Variants in PKHD1 observed in about 807,000 individuals in gnomAD.
PKHD1 encodes PKHD1 ciliary IPT domain containing fibrocystin/polyductin.
In PKHD1, 291 loss-of-function variants were observed where a neutral mutation model predicts 412.0. The observed-to-expected ratio is 0.71, with a 90% CI of 0.64 to 0.78. The LOEUF (loss-of-function observed/expected upper bound fraction) is 0.78. Ranked by LOEUF, PKHD1 falls within the 30% of genes least tolerant of loss-of-function variation. PKHD1 has a pLI of 0.00. For missense variants in PKHD1, 4,825 were observed against 4,950.7 expected (o/e 0.97, Z 0.76); for synonymous variants, 1,777 against 1,821.5 (o/e 0.98, Z 0.62).
At chr6:51,771,199 TAC>T (rs113140015) in intron 55 of PKHD1, among the ~76,000 whole-genome samples, 79,879 of 150,064 alleles carry the variant, frequency 0.53, 21,670 homozygotes, top group East Asian at 0.75. Flanking sequence ...ACAGGTAGGA[TAC>T]ACACACACAC....
At chr6:51,637,981 G>A (rs1768803736) in intron 64 of PKHD1, among the ~76,000 whole-genome samples, 1 of 152,068 alleles carries the variant, frequency 6.6e-6, no homozygotes, top group Non-Finnish European at 1.5e-5. Context: ...GTGTCATACT[G>A]GAACATTTTC....
chr6:51,801,132 T>C (rs755324018), intron 52 of PKHD1, among the ~76,000 whole-genome samples: 1 of 152,220 alleles, frequency 6.6e-6, no homozygotes, highest in Non-Finnish European at 1.5e-5. Context: ...TGATTGGTGA[T>C]ATTTTCTTTC....
At chr6:51,753,858 C>T (rs984626251) in intron 56 of PKHD1, among the ~76,000 whole-genome samples, 1 of 152,242 alleles carries the variant, frequency 6.6e-6, no homozygotes, top group Non-Finnish European at 1.5e-5. Flanking sequence ...ATCTTCCACT[C>T]ATCACGGCCT....
rs1195587828 is a variant in PKHD1, at chr6:51,779,338, A to G, written c.8441-3417T>C. On this transcript the variant is annotated intron_variant, in intron 53 of 66. Coordinates refer to ENST00000371117, the MANE Select transcript of PKHD1 (RefSeq NM_138694.4). ...TGTTTTTGTCACGGCCAACTCTTAC[A>G]TACTTTCAAACCCAGTTCAGATGCC... 5.3e-5 allele frequency among the ~76,000 whole-genome samples: 8 copies of G among 152,124 alleles called. No individual in the cohort carries two copies. The East Asian group carries it at 9.7e-4, about 18-fold the overall frequency.
chr6:51,650,977 C>A (rs1035923434), intron 61 of PKHD1, among the ~76,000 whole-genome samples: 1 of 152,120 alleles, frequency 6.6e-6, no homozygotes, highest in African/African-American at 2.4e-5. Flanking sequence ...GATCCTATTT[C>A]TCCCCTAACC....
chr6:51,711,223 G>C (rs17740706), intron 60 of PKHD1, among the ~76,000 whole-genome samples: 1,841 of 152,282 alleles, frequency 0.012, 21 homozygotes, highest in South Asian at 0.048. Flanking sequence ...AGGATCCTGA[G>C]AAAGCCTCAC....
chr6:51,654,268 C>A (rs1771449600), intron 61 of PKHD1, among the ~76,000 whole-genome samples: 1 of 152,040 alleles, frequency 6.6e-6, no homozygotes, highest in African/African-American at 2.4e-5. Flanking sequence ...AATGGCTAAG[C>A]AGCTTCATAG....
At chr6:52,068,583 G>A (rs1810106481) in intron 11 of PKHD1, among the ~76,000 whole-genome samples, 1 of 152,210 alleles carries the variant, frequency 6.6e-6, no homozygotes, top group African/African-American at 2.4e-5. Context: ...TTCCTTATCT[G>A]TAAAATGGGG....
At chr6:51,915,503 T>A (rs546612273) in intron 37 of PKHD1, among the ~76,000 whole-genome samples, 4 of 152,126 alleles carry the variant, frequency 2.6e-5, no homozygotes, top group African/African-American at 9.6e-5. Context: ...CATGTAAGTG[T>A]TCCATAAATA....
intron 60 of PKHD1, chr6:51,682,176 A>G (rs960344741): frequency 3.1e-5 from 14 of 455,020 alleles, no homozygotes; most frequent in Non-Finnish European, 4.9e-5. Flanking sequence ...CCGAACATAT[A>G]TACTATCTCC....
At chr6:51,836,343 T>A in intron 51 of PKHD1, 61 bp downstream of exon 51, 1 of 1,094,910 alleles carries the variant, frequency 9.1e-7, no homozygotes, top group Non-Finnish European at 1.4e-6. Flanking sequence ...GTGGAATTTG[T>A]AGAACTACTG....
At chr6:51,805,072 T>C (rs1286135679) in intron 52 of PKHD1, among the ~76,000 whole-genome samples, 1 of 152,188 alleles carries the variant, frequency 6.6e-6, no homozygotes, top group Non-Finnish European at 1.5e-5. Flanking sequence ...AAAAGACACA[T>C]GCACTTGTAG....
At chr6:51,654,394 C>G (rs1205439044) in intron 61 of PKHD1, among the ~76,000 whole-genome samples, 1 of 151,988 alleles carries the variant, frequency 6.6e-6, no homozygotes, top group African/African-American at 2.4e-5. Flanking sequence ...TCTCTAGATT[C>G]TTATAGGGAC....
intron 46 of PKHD1, among the ~76,000 whole-genome samples, chr6:51,872,768 T>G (rs1218849021): frequency 2.6e-5 from 4 of 151,904 alleles, no homozygotes; most frequent in Non-Finnish European, 5.9e-5. Flanking sequence ...AATATTGCCT[T>G]CAAAATTTCA....
chr6:51,746,856 T>C lies in PKHD1; in HGVS notation c.9863A>G (p.Tyr3288Cys), dbSNP rs374123288. The change falls in exon 59 of 67, where the codon TAT (tyrosine) becomes TGT (cysteine). Residue 3288 changes from tyrosine to cysteine, a missense_variant. Physicochemically the swap from Tyr to Cys is radical, Grantham distance 194. Coordinates refer to ENST00000371117, the MANE Select transcript of PKHD1 (RefSeq NM_138694.4). ...VTFSSFVKSC[Y>C]SDDLDVCILP... ...AATGCAGACATCCAGGTCATCGCTA[T>C]AGCAACTCTTCACAAAACTAGAAAA... is the stretch of plus-strand genomic sequence containing the variant. 3 of 1,609,186 alleles carry C rather than the reference T, an allele frequency of 1.9e-6. No homozygotes were observed. Among genetic ancestry groups the C allele is most frequent in the Admixed American group, 3.3e-5 (2 of 59,846 alleles).
intron 55 of PKHD1, among the ~76,000 whole-genome samples, chr6:51,770,193 G>C (rs1789836498): frequency 6.6e-6 from 1 of 151,586 alleles, no homozygotes; most frequent in Admixed American, 6.6e-5. Context: ...TTTTGTTTCT[G>C]TCAATTTCAC....
At position 52,024,760 on chromosome 6, in the gene PKHD1, C is replaced by G; in HGVS notation, c.5050G>C (p.Asp1684His). ...VAQISGAANI[D>H]IFIGMSPCVG... Reference sequence around the variant, plus strand: ...CAGGGTGACATTCCTATAAAAATGTCAATGTTTGCAGCTCCTGAGATCTGG... The same window carrying G: ...CAGGGTGACATTCCTATAAAAATGTGAATGTTTGCAGCTCCTGAGATCTGG... The change falls in exon 32 of 67, where the codon GAC becomes CAC. Residue 1684 changes from aspartate (D) to histidine (H), a missense_variant. Transcript: ENST00000371117. 9.9e-6 allele frequency: 16 copies of G among 1,614,144 alleles called. No homozygotes were observed. Among genetic ancestry groups the G allele is most frequent in the Non-Finnish European group, 1.4e-5 (16 of 1,180,016 alleles).
At chr6:51,832,360 T>G (rs1582932408) in intron 51 of PKHD1, among the ~76,000 whole-genome samples, 1 of 151,966 alleles carries the variant, frequency 6.6e-6, no homozygotes. Context: ...GACAGAAGGA[T>G]GAGCATGAGC....
chr6:51,902,355 C>T (rs1367255623), intron 43 of PKHD1, among the ~76,000 whole-genome samples: 3 of 152,020 alleles, frequency 2.0e-5, no homozygotes, highest in East Asian at 3.9e-4. Context: ...TAGTGACCAA[C>T]AAGTTAAATG....
Sources: allele counts gnomAD v4.1 joint callset (sites outside exome capture counted in the v4.1 genomes callset), GRCh38; gene constraint gnomAD v4.1.1; transcripts MANE v1.5; gene names NCBI Gene and HGNC (gene_info 2026-07-23, HGNC 2026-07-21).